Variants in DCAF1 observed in about 807,000 individuals in gnomAD.
DCAF1 encodes DDB1- and CUL4-associated factor 1.
DCAF1 carries 15 observed loss-of-function variants against 128.0 expected under a neutral mutation model. The ratio of observed to expected loss-of-function variants is 0.12; its 90% confidence interval spans 0.08 to 0.18. The LOEUF (loss-of-function observed/expected upper bound fraction) is 0.18, where lower values mean the gene tolerates loss of function less well. DCAF1 is among the 10% of genes least tolerant of loss of function. DCAF1 has a pLI of 1.00. For synonymous variants in DCAF1, 610 were observed against 603.0 expected (o/e 1.01, Z -0.17); for missense variants, 988 against 1,649.5 (o/e 0.60, Z 6.95).
In DCAF1 at chr3:51,441,684, G is replaced by C. The variant is rs372030577; in HGVS notation, c.727C>G (p.Leu243Val). The C allele has an allele frequency of 6.8e-5, 109 of 1,613,826 alleles. No homozygotes were observed. The highest frequency in any genetic ancestry group is 8.6e-5 in the Non-Finnish European group (101 of 1,179,892). Residue 243 changes from leucine to valine, a missense_variant, in exon 8 of 25, where the codon CTT (leucine) becomes GTT (valine). By Grantham distance (32) the Leu-to-Val change is conservative. Coordinates refer to ENST00000684031, the MANE Select transcript of DCAF1 (RefSeq NM_001387579.1). ...ASGDMEISFH[L>V]DSGHKTSSRV... The stretch of plus-strand genomic sequence containing the variant: ...CTACTAGTCTTGTGGCCTGAATCAA[G>C]ATGAAAGGAGATCTCCATGTCTCCA...
rs1553629167 is a variant in DCAF1, at chr3:51,413,392, G to T, written c.3932-6C>A. The T allele has an allele frequency of 6.2e-7, 1 of 1,608,854 alleles. No individual in the cohort carries two copies. On this transcript the variant is annotated splice_region_variant and splice_polypyrimidine_tract_variant and intron_variant, in intron 20 of 24. Transcript: ENST00000684031. ...ATCATCTGCCTGCAACATAGCTTGA[G>T]GGGGAGTGGGGGAGGAAACACTATT...
intron 13 of DCAF1, among the ~76,000 whole-genome samples, chr3:51,423,513 A>G (rs1178545857): frequency 1.3e-5 from 2 of 151,684 alleles, no homozygotes; most frequent in African/African-American, 4.8e-5. Flanking sequence ...ACAAAAAAAA[A>G]AAAAGAAAAG....
chr3:51,401,473 C>T (rs2089696050), intron 24 of DCAF1, among the ~76,000 whole-genome samples: 2 of 152,192 alleles, frequency 1.3e-5, no homozygotes, highest in African/African-American at 4.8e-5. Context: ...GCATCTCCAC[C>T]TCAATTCTGA....
At chr3:51,417,413 C>T (rs566207684) in intron 17 of DCAF1, among the ~76,000 whole-genome samples, 1 of 151,966 alleles carries the variant, frequency 6.6e-6, no homozygotes, top group African/African-American at 2.4e-5. Flanking sequence ...AATGAGACCC[C>T]GTCTAAAGAA....
intron 9 of DCAF1, among the ~76,000 whole-genome samples, chr3:51,434,397 C>A (rs1700641605): frequency 1.3e-5 from 2 of 152,168 alleles, no homozygotes; most frequent in South Asian, 2.1e-4. Context: ...CAAAGTAAGA[C>A]CCTGTCAGTC....
chr3:51,482,611 A>C (rs13095770), intron 3 of DCAF1, among the ~76,000 whole-genome samples: 1 of 107,468 alleles, frequency 9.3e-6, no homozygotes. Flanking sequence ...CTAAAAATAC[A>C]AAAATTAGCC....
At chr3:51,484,528 C>T (rs568643245) in intron 2 of DCAF1, among the ~76,000 whole-genome samples, 166 of 151,974 alleles carry the variant, frequency 1.1e-3, no homozygotes, top group African/African-American at 4.0e-3. Context: ...TACAATAATC[C>T]CAGGCCTAGA....
intron 24 of DCAF1, among the ~76,000 whole-genome samples, chr3:51,399,539 A>G (rs1553624276): frequency 3.3e-5 from 5 of 152,266 alleles, no homozygotes; most frequent in Admixed American, 1.3e-4. Context: ...CTGCTTGACA[A>G]TCTGCCTTCT....
intron 24 of DCAF1, among the ~76,000 whole-genome samples, chr3:51,400,781 CTATCGCTCTACAACA>C (rs2089618481): frequency 6.6e-6 from 1 of 152,022 alleles, no homozygotes; most frequent in Non-Finnish European, 1.5e-5. Context: ...AGTGTTTAAC[CTATCGCTCTACAACA>C]TACAGGTTCT....
At chr3:51,437,187 C>T (rs782109346) in intron 9 of DCAF1, among the ~76,000 whole-genome samples, 1 of 148,566 alleles carries the variant, frequency 6.7e-6, no homozygotes, top group Non-Finnish European at 1.5e-5. Flanking sequence ...TGCTTGAACC[C>T]GGAAGGCAGC....
intron 8 of DCAF1, 94 bp from the exon 9 acceptor site, chr3:51,441,165 T>C: frequency 1.6e-6 from 2 of 1,276,702 alleles, no homozygotes; most frequent in Non-Finnish European, 2.2e-6. Context: ...AAAGAAATGA[T>C]GCACCTCTTC....
At chr3:51,412,920 T>C (rs1263326319) in intron 22 of DCAF1, 73 bp downstream of exon 22, 1 of 1,582,436 alleles carries the variant, frequency 6.3e-7, no homozygotes, top group East Asian at 2.3e-5. Context: ...TCAGACAAAA[T>C]GTCTGTAGTA....
At chr3:51,411,658 C>T (rs982796658) in intron 23 of DCAF1, among the ~76,000 whole-genome samples, 1 of 152,124 alleles carries the variant, frequency 6.6e-6, no homozygotes, top group Non-Finnish European at 1.5e-5. Context: ...TAATAATAGA[C>T]TATGCCATAA....
At chr3:51,396,067 A>G (rs566744019), downstream of DCAF1, 2 of 411,422 alleles carry the variant, frequency 4.9e-6, no homozygotes, top group South Asian at 1.4e-4. Context: ...CTCTCCAACA[A>G]ACGCCTGAGT....
At chr3:51,441,988 G>A in intron 7 of DCAF1, 91 bp from the exon 8 acceptor site, 4 of 1,482,952 alleles carry the variant, frequency 2.7e-6, no homozygotes, top group Non-Finnish European at 1.8e-6. Flanking sequence ...AATAACTGGA[G>A]ACTCATGCAG....
rs1706528655 is a variant in DCAF1 at position 51,483,607 on chromosome 3, G to A, written c.110+112C>T. 1.8e-5 allele frequency: 12 copies of A among 657,514 alleles called. 1 individual carries two copies. The South Asian group carries it at 2.4e-4, about 13-fold the overall frequency. The allele number at this position is 657,514 out of a possible 1,614,324, so 40.7% of individuals were successfully genotyped here. A position where few individuals can be genotyped will look rare whatever the true frequency, so the allele number is the denominator to read the frequency against. Reference sequence around the variant, plus strand: ...CCAATTTTTGCTTCTTTTTAAACTAGTTTGTGTGTGTGTGTGTGTGTGTGT... The same window carrying A: ...CCAATTTTTGCTTCTTTTTAAACTAATTTGTGTGTGTGTGTGTGTGTGTGT... On this transcript the variant is annotated intron_variant, in intron 3 of 24. Coordinates refer to ENST00000684031, the MANE Select transcript of DCAF1 (RefSeq NM_001387579.1).
chr3:51,452,415 C>G (rs981584391), intron 6 of DCAF1, among the ~76,000 whole-genome samples: 2 of 152,022 alleles, frequency 1.3e-5, no homozygotes, highest in Non-Finnish European at 2.9e-5. Flanking sequence ...GAGTACAGAT[C>G]ATCATGTAAT....
chr3:51,438,080 C>T (rs782037641), intron 9 of DCAF1: 2 of 442,322 alleles, frequency 4.5e-6, no homozygotes, highest in Non-Finnish European at 4.4e-6. Context: ...TCATTCTTTT[C>T]TGACTTCTGC....
chr3:51,437,987 T>A (rs1252614613), intron 9 of DCAF1: 4 of 303,182 alleles, frequency 1.3e-5, no homozygotes, highest in Non-Finnish European at 2.6e-5. Flanking sequence ...AAGTAACTTA[T>A]CATCTTTGTG....
Sources: allele counts gnomAD v4.1 joint callset (sites outside exome capture counted in the v4.1 genomes callset), GRCh38; gene constraint gnomAD v4.1.1; transcripts MANE v1.5; gene names NCBI Gene and HGNC (gene_info 2026-07-23, HGNC 2026-07-21).